The following SPG7 variants were observed in gnomAD, a reference collection of about 807,000 sequenced individuals.
The protein encoded by SPG7 is mitochondrial inner membrane m-AAA protease component paraplegin.
A neutral mutation model predicts 81.9 loss-of-function variants in SPG7; 103 were observed. That is an observed-to-expected ratio of 1.26 (90% CI 1.07 to 1.48). The LOEUF (loss-of-function observed/expected upper bound fraction) is 1.48. Ranked by LOEUF, SPG7 falls within the 40% of genes most tolerant of loss-of-function variation. The pLI is 0.00. For synonymous variants in SPG7, 534 were observed against 444.2 expected (o/e 1.20, Z -2.54); for missense variants, 1,241 against 1,087.3 (o/e 1.14, Z -1.99).
At chr16:89,528,721 T>A (rs1405642725) in intron 5 of SPG7, 1 of 149,410 alleles carries the variant, frequency 6.7e-6, no homozygotes, top group Non-Finnish European at 1.5e-5. Context: ...TTCTCCCACC[T>A]CAGCCTCCTG....
chr16:89,512,758 G>C (rs1347706207), intron 2 of SPG7, among the ~76,000 whole-genome samples, 190 bp from the exon 3 acceptor site: 2 of 152,132 alleles, frequency 1.3e-5, no homozygotes, highest in African/African-American at 4.8e-5. Flanking sequence ...TTATTATTTT[G>C]TAATTAGGAA....
chr16:89,540,217 A>G (rs2058477543), intron 9 of SPG7: 1 of 152,142 alleles, frequency 6.6e-6, no homozygotes, highest in African/African-American at 2.4e-5. Context: ...AATTTTTAGA[A>G]TACGCTTGTT....
In SPG7 at chr16:89,537,695, G is replaced by T. The variant is rs966915167; in HGVS notation, c.1324+5059G>T. 4.1e-6 allele frequency: 4 copies of T among 982,948 alleles called. No individual in the cohort carries two copies. In the South Asian group the frequency reaches 1.9e-4, roughly 46 times the overall value. The allele number at this position is 982,948 out of a possible 1,614,324, so 60.9% of individuals were successfully genotyped here. On this transcript the variant is annotated intron_variant, in intron 9 of 16. Coordinates refer to ENST00000645818, the MANE Select transcript of SPG7 (RefSeq NM_003119.4). ...ATGCCAGGCTCTGTTTTTTCAGTCT[G>T]TGAAAAATAAAGTCATCAGCATGTG...
Position 89,529,480 on chromosome 16 carries a change from C to T in SPG7, c.762C>T (p.Ala254=), listed in dbSNP as rs1430841442. The change falls in exon 6 of 17, where the codon GCC becomes GCT. Residue 254 remains alanine, a synonymous_variant. Coordinates refer to ENST00000645818, the MANE Select transcript of SPG7 (RefSeq NM_003119.4). The stretch of plus-strand genomic sequence containing the variant: ...CTGCCTCTCTTTCTTCCGGCAGTGC[C>T]CTGTACTCTGTGGGGATGACGGCAG... ...SYKRTGFFGN[A]LYSVGMTAVG... The T allele has an allele frequency of 1.2e-6, 2 of 1,611,394 alleles. No homozygotes were observed. Among genetic ancestry groups the T allele is most frequent in the South Asian group, 1.1e-5 (1 of 90,784 alleles).
intron 8 of SPG7, 48 bp downstream of exon 8, chr16:89,532,114 G>T: frequency 6.3e-7 from 1 of 1,590,062 alleles, no homozygotes. Flanking sequence ...TGACTACCTG[G>T]CTCCTTTCAC....
chr16:89,513,527 A>C (rs528688181), intron 3 of SPG7, among the ~76,000 whole-genome samples: 1 of 152,106 alleles, frequency 6.6e-6, no homozygotes, highest in South Asian at 2.1e-4. Flanking sequence ...AAAAAAAAAA[A>C]AATTTAAATT....
At chr16:89,531,677 A>G in intron 7 of SPG7, 1 of 567,172 alleles carries the variant, frequency 1.8e-6, no homozygotes, top group Non-Finnish European at 3.2e-6. Context: ...CCTGGCCTGC[A>G]AGAAGTTTTT....
At chr16:89,531,835 C>T (rs1436348041) in intron 7 of SPG7, 69 bp from the exon 8 acceptor site, 5 of 1,537,338 alleles carry the variant, frequency 3.3e-6, no homozygotes, top group East Asian at 2.2e-5. Context: ...CCCAGAGAGA[C>T]CTTACCTCTA....
At chr16:89,511,139 A>T (rs2058016320) in intron 2 of SPG7, among the ~76,000 whole-genome samples, 1 of 152,206 alleles carries the variant, frequency 6.6e-6, no homozygotes, top group South Asian at 2.1e-4. Flanking sequence ...CATCTGGCCA[A>T]GTTGTCCTTT....
intron 16 of SPG7, chr16:89,556,339 C>T: frequency 5.6e-6 from 2 of 355,212 alleles, no homozygotes; most frequent in Non-Finnish European, 1.0e-5. Context: ...TGGAAGAGTT[C>T]TGCCTTCACA....
Position 89,555,934 on chromosome 16 carries a change from G to A in SPG7, c.2182-953G>A, listed in dbSNP as rs6500428. The A allele has an allele frequency of 4.8e-3, 1,901 of 398,868 alleles. 31 individuals are homozygous for A. Among genetic ancestry groups the A allele is most frequent in the African/African-American group, 0.036 (1,752 of 48,762 alleles). The allele number at this position is 398,868 out of a possible 1,614,324, so 24.7% of individuals were successfully genotyped here. ...TGGGGCCCTTAGACTGTCGTCCCCA[G>A]CCAGCAGCAGCCGCCTCTGGGCAGG... On this transcript the variant is annotated intron_variant, in intron 16 of 16. Transcript: ENST00000645818.
At chr16:89,546,802 G>T in intron 11 of SPG7, 42 bp downstream of exon 11, 2 of 1,379,024 alleles carry the variant, frequency 1.5e-6, no homozygotes, top group South Asian at 1.2e-5. Context: ...CACGTCCTGA[G>T]GGCAGGTGGT....
chr16:89,548,527 G>T, intron 12 of SPG7: 1 of 306,574 alleles, frequency 3.3e-6, no homozygotes, highest in Non-Finnish European at 6.3e-6. Context: ...GCTGTGGAGG[G>T]ACAGCCGTGC....
Position 89,553,008 on chromosome 16 carries a change from C to A in SPG7, c.1809C>A (p.Ala603=), listed in dbSNP as rs756144782. The change falls in exon 14 of 17, where the codon GCC becomes GCA. Residue 603 remains alanine, a synonymous_variant. Transcript: ENST00000645818. ...KVSITPRTNA[A]LGFAQMLPRD... is the part of the protein sequence containing the mutation. ...CCATAACCCCTCGGACAAACGCCGC[C>A]CTGGGCTTTGCTCAGATGCTCCCCA... 2 of 1,613,990 alleles carry A rather than the reference C, an allele frequency of 1.2e-6. No homozygotes were observed. Among genetic ancestry groups the A allele is most frequent in the Non-Finnish European group, 1.7e-6 (2 of 1,179,912 alleles).
chr16:89,536,487 CAGGTGAGGCAGGTGAGGTGAGG>C (rs2058420940), intron 9 of SPG7, among the ~76,000 whole-genome samples: 3 of 43,138 alleles, frequency 7.0e-5, no homozygotes, highest in African/African-American at 2.1e-4. Context: ...CGGGTGAGGT[CAGGTGAGGCAGGTGAGGTGAGG>C]CGGGTGAGGT....
chr16:89,541,733 AC>A, intron 9 of SPG7: 1 of 152,324 alleles, frequency 6.6e-6, no homozygotes, highest in African/African-American at 2.4e-5. Flanking sequence ...TGTGTCTGTT[AC>A]CATCAGAATA....
At chr16:89,532,370 T>C in intron 8 of SPG7, 93 bp from the exon 9 acceptor site, 2 of 1,455,930 alleles carry the variant, frequency 1.4e-6, no homozygotes, top group Non-Finnish European at 1.9e-6. Flanking sequence ...GCTTTAGTTG[T>C]CCTTGGTGTA....
chr16:89,544,913 C>T lies in SPG7; in HGVS notation c.1449+141C>T. 3.9e-6 allele frequency: 4 copies of T among 1,034,092 alleles called. No individual in the cohort carries two copies. The South Asian group carries it at 5.3e-5, about 14-fold the overall frequency. 64.1% of individuals were successfully genotyped at this position (1,034,092 alleles called of 1,614,324 possible). On this transcript the variant is annotated intron_variant, in intron 10 of 16. Transcript: ENST00000645818. ...GGTGCTGGCAGTGTCCAGCGTGGCC[C>T]CCGCATCGGCTGCACGCCCCCAGCA...
At chr16:89,549,230 A>G in intron 12 of SPG7, 1 of 456,962 alleles carries the variant, frequency 2.2e-6, no homozygotes. Flanking sequence ...GTTGAAAGAA[A>G]ATACATGACG....
Sources: gnomAD v4.1 joint callset for allele counts (sites outside exome capture counted in the v4.1 genomes callset) on GRCh38, gnomAD v4.1.1 for gene constraint, MANE v1.5 for transcripts, NCBI Gene and HGNC (gene_info 2026-07-23, HGNC 2026-07-21) for gene names.